The following ME1 variants were observed in gnomAD, a reference collection of about 807,000 sequenced individuals.
ME1 encodes the protein NADP-dependent malic enzyme.
In ME1, 74 loss-of-function variants were observed where a neutral mutation model predicts 66.4. The observed-to-expected ratio is 1.11, with a 90% CI of 0.92 to 1.35. The LOEUF (loss-of-function observed/expected upper bound fraction) is 1.35, where lower values mean the gene tolerates loss of function less well. ME1 is among the 40% of genes most tolerant of loss of function. ME1 has a pLI of 0.00. For synonymous variants in ME1, 251 were observed against 235.6 expected, an observed-to-expected ratio of 1.07 and a Z score of -0.60; for missense variants, 750 against 694.1, an observed-to-expected ratio of 1.08 and a Z score of -0.90.
intron 2 of ME1, among the ~76,000 whole-genome samples, chr6:83,405,945 T>G (rs982327477): frequency 2.6e-5 from 4 of 152,068 alleles, no homozygotes; most frequent in Non-Finnish European, 4.4e-5. Context: ...ATGGTCTCGA[T>G]CTCCTGAACT....
intron 6 of ME1, among the ~76,000 whole-genome samples, chr6:83,305,322 AT>A (rs1767804088): frequency 6.6e-6 from 1 of 152,178 alleles, no homozygotes; most frequent in Non-Finnish European, 1.5e-5. Context: ...TAATAAATGA[AT>A]AATGGTAATA....
chr6:83,358,562 G>A (rs190500649), intron 3 of ME1, among the ~76,000 whole-genome samples: 158 of 152,326 alleles, frequency 1.0e-3, no homozygotes, highest in South Asian at 2.1e-3. Context: ...AATGAAAGGT[G>A]CATGCACAGC....
intron 6 of ME1, among the ~76,000 whole-genome samples, chr6:83,296,144 G>T (rs1380643608): frequency 3.3e-5 from 5 of 151,954 alleles, no homozygotes; most frequent in Admixed American, 3.3e-4. Context: ...TTTGAGGAGA[G>T]TCTTCTCCTC....
At chr6:83,294,475 G>T (rs542920231) in intron 6 of ME1, among the ~76,000 whole-genome samples, 1 of 152,168 alleles carries the variant, frequency 6.6e-6, no homozygotes, top group African/African-American at 2.4e-5. Context: ...TCCTCCTGGT[G>T]AGCCCTCGAT....
chr6:83,421,656 TG>T (rs1453348851), intron 1 of ME1, among the ~76,000 whole-genome samples: 1 of 152,188 alleles, frequency 6.6e-6, no homozygotes, highest in African/African-American at 2.4e-5. Context: ...GCAGAAAAGC[TG>T]GAAGTGCAAT....
intron 3 of ME1, among the ~76,000 whole-genome samples, chr6:83,353,242 A>G (rs1177553706): frequency 2.0e-5 from 3 of 152,172 alleles, no homozygotes; most frequent in Non-Finnish European, 4.4e-5. Flanking sequence ...AAGACATTTC[A>G]TGGGTTGATG....
chr6:83,410,134 A>G (rs1305198079), intron 1 of ME1, among the ~76,000 whole-genome samples: 1 of 152,050 alleles, frequency 6.6e-6, no homozygotes, highest in Non-Finnish European at 1.5e-5. Flanking sequence ...GGGCCACAGA[A>G]TTTTGTTTTC....
At chr6:83,341,981 A>C (rs184782374) in intron 5 of ME1, among the ~76,000 whole-genome samples, 1 of 152,130 alleles carries the variant, frequency 6.6e-6, no homozygotes, top group African/African-American at 2.4e-5. Context: ...CCAAGTCTTC[A>C]TTTGCACAGA....
At chr6:83,327,369 G>A (rs148517163) in intron 5 of ME1, among the ~76,000 whole-genome samples, 1,767 of 152,294 alleles carry the variant, frequency 0.012, 21 homozygotes, top group Admixed American at 0.02. Flanking sequence ...TTTCAAAAGC[G>A]AATGGGAGAA....
intron 3 of ME1, among the ~76,000 whole-genome samples, chr6:83,378,678 T>C (rs535365951): frequency 2.0e-5 from 3 of 150,158 alleles, no homozygotes; most frequent in Non-Finnish European, 4.5e-5. Context: ...TCTTCCTCTT[T>C]TTTTTTTTTT....
chr6:83,357,925 CTCTCTCTCTCTA>C (rs1768924110), intron 3 of ME1, among the ~76,000 whole-genome samples: 7 of 58,178 alleles, frequency 1.2e-4, no homozygotes, highest in Admixed American at 2.5e-4. Context: ...CTCTCTCTCT[CTCTCTCTCTCTA>C]TATATATATA....
At chr6:83,249,798 C>T (rs1489972820) in intron 7 of ME1, among the ~76,000 whole-genome samples, 1 of 152,072 alleles carries the variant, frequency 6.6e-6, no homozygotes, top group East Asian at 1.9e-4. Context: ...TCCTATCTTC[C>T]CAGGCCTCTA....
intron 9 of ME1, among the ~76,000 whole-genome samples, chr6:83,229,979 T>C (rs1562453153): frequency 1.3e-5 from 2 of 151,858 alleles, no homozygotes; most frequent in African/African-American, 4.9e-5. Flanking sequence ...TGCACCACCA[T>C]GCTTGGCTAA....
chr6:83,372,696 G>A (rs1001725619), intron 3 of ME1, among the ~76,000 whole-genome samples: 3 of 152,150 alleles, frequency 2.0e-5, no homozygotes, highest in African/African-American at 7.2e-5. Context: ...ACATATTCCT[G>A]TTACAGGTAA....
Position 83,362,706 on chromosome 6 carries a change from G to A in ME1, c.363-10567C>T, listed in dbSNP as rs572857488. 4.6e-5 allele frequency among the ~76,000 whole-genome samples: 7 copies of A among 152,300 alleles called. No homozygotes were observed. The South Asian group carries it at 1.5e-3, about 32-fold the overall frequency. ...CTCTTCCATCATGTAAAGGACAGAGGTTTGTCCTCACTGGAATAGACACTT... is the reference window on the plus strand; with the variant it reads ...CTCTTCCATCATGTAAAGGACAGAGATTTGTCCTCACTGGAATAGACACTT... On this transcript the variant is annotated intron_variant, in intron 3 of 13. Transcript: ENST00000369705.
At chr6:83,212,407 T>C (rs988503319) in intron 13 of ME1, among the ~76,000 whole-genome samples, 1 of 152,166 alleles carries the variant, frequency 6.6e-6, no homozygotes, top group Non-Finnish European at 1.5e-5. Flanking sequence ...TGACTGACAA[T>C]TAACTTGAAA....
rs1767873894 is a variant in ME1 at position 83,308,681 on chromosome 6, T to A, written c.704+6629A>T. ...AAATATTTATTGAGTACTTATCACA[T>A]ACTAGATAACTTTTTAGAAACTAGG... On this transcript the variant is annotated intron_variant, in intron 6 of 13. Coordinates refer to ENST00000369705, the MANE Select transcript of ME1 (RefSeq NM_002395.6). Among the ~76,000 whole-genome samples, 5 of 151,146 alleles carry A rather than the reference T, an allele frequency of 3.3e-5. No homozygotes were observed. In the Admixed American group the frequency reaches 3.3e-4, roughly 10 times the overall value.
intron 12 of ME1, among the ~76,000 whole-genome samples, chr6:83,218,200 C>T (rs999085062): frequency 6.6e-6 from 1 of 152,104 alleles, no homozygotes; most frequent in African/African-American, 2.4e-5. Context: ...TTGCCATCTA[C>T]CTCAGAAAGT....
intron 10 of ME1, among the ~76,000 whole-genome samples, chr6:83,228,005 A>G (rs563727471): frequency 6.6e-6 from 1 of 152,372 alleles, no homozygotes; most frequent in South Asian, 2.1e-4. Flanking sequence ...AAACAATATT[A>G]AACACTTAGT....
Sources: gnomAD v4.1 joint callset for allele counts (sites outside exome capture counted in the v4.1 genomes callset) on GRCh38, gnomAD v4.1.1 for gene constraint, MANE v1.5 for transcripts, NCBI Gene and HGNC (gene_info 2026-07-23, HGNC 2026-07-21) for gene names.